The following CLEC5A variants were observed in gnomAD, a reference collection of about 807,000 sequenced individuals.
The protein encoded by CLEC5A is C-type lectin domain containing 5A.
In CLEC5A, 15 loss-of-function variants were observed where a neutral mutation model predicts 24.4. The observed-to-expected ratio is 0.62, with a 90% confidence interval of 0.41 to 0.95. The LOEUF is 0.95. CLEC5A is among the 40% of genes least tolerant of loss of function. CLEC5A has a pLI of 0.00. For missense variants in CLEC5A, 211 were observed against 224.0 expected (o/e 0.94, Z 0.37); for synonymous variants, 71 against 72.6 (o/e 0.98, Z 0.11).
At chr7:141,936,111 G>C in intron 4 of CLEC5A, 161 bp from the exon 5 acceptor site, 2 of 648,778 alleles carry the variant, frequency 3.1e-6, no homozygotes, top group Non-Finnish European at 5.4e-6. Flanking sequence ...GTCTAGTCTG[G>C]TTCCTTGACA....
intron 6 of CLEC5A, among the ~76,000 whole-genome samples, chr7:141,930,821 G>A (rs1258817025): frequency 6.6e-6 from 1 of 152,288 alleles, no homozygotes. Context: ...TCAACTGTCT[G>A]TGAAATGGGG....
chr7:141,930,309 C>T (rs1802419550), intron 6 of CLEC5A, 91 bp from the exon 7 acceptor site: 1 of 954,580 alleles, frequency 1.0e-6, no homozygotes. Context: ...CTTCCTGATT[C>T]CAGAGTGAGA....
In CLEC5A at chr7:141,931,750, C is replaced by A. The variant is rs35942193; in HGVS notation, c.422G>T (p.Arg141Leu). ...LIYHREEKRW[R>L]WINNSVFNGN... ...ATTGAACACAGAGTTGTTGATCCAA[C>A]GCCACCTTTTCTCTTCACGATGGTA... is the stretch of plus-strand genomic sequence containing the variant. Residue 141 changes from arginine to leucine, a missense_variant, in exon 6 of 7, where the codon CGT becomes CTT. Transcript: ENST00000546910. The A allele has an allele frequency of 1.3e-6, 2 of 1,598,250 alleles. No individual in the cohort carries two copies. The highest frequency in any genetic ancestry group is 2.2e-5 in the South Asian group (2 of 90,744).
chr7:141,936,088 G>T, intron 4 of CLEC5A, 138 bp from the exon 5 acceptor site: 1 of 728,630 alleles, frequency 1.4e-6, no homozygotes, highest in Admixed American at 2.6e-5. Flanking sequence ...CATCCAGGAA[G>T]AAATTCCACC....
chr7:141,930,279 C>G, intron 6 of CLEC5A, 61 bp from the exon 7 acceptor site: 1 of 1,304,358 alleles, frequency 7.7e-7, no homozygotes, highest in Non-Finnish European at 1.1e-6. Context: ...TGGTGATGGC[C>G]CATCATTTTA....
Position 141,943,930 on chromosome 7 carries a change from G to A in CLEC5A, c.174C>T (p.Pro58=). 3 of 1,611,616 alleles carry A rather than the reference G, an allele frequency of 1.9e-6. No homozygotes were observed. The highest frequency in any genetic ancestry group is 2.5e-6 in the Non-Finnish European group (3 of 1,178,008). ...AGCTCCTTGTGGTAATGAAGCCGTT[G>A]GGACTTGGGGAACTGCTCCCAAAAA... ...SQIFGSSSPS[P]NGFITTRSYG... The change falls in exon 4 of 7, where the codon CCC becomes CCT. Residue 58 remains proline (P), a synonymous_variant. Coordinates refer to ENST00000546910, the MANE Select transcript of CLEC5A (RefSeq NM_013252.3).
At chr7:141,934,199 A>T (rs1554440766) in intron 5 of CLEC5A, among the ~76,000 whole-genome samples, 1 of 152,228 alleles carries the variant, frequency 6.6e-6, no homozygotes, top group East Asian at 1.9e-4. Context: ...GAGGTATTAT[A>T]ATGTCAGTTC....
chr7:141,934,015 C>T (rs1802544270), intron 5 of CLEC5A, among the ~76,000 whole-genome samples: 1 of 152,166 alleles, frequency 6.6e-6, no homozygotes, highest in South Asian at 2.1e-4. Flanking sequence ...GTATGGCCCC[C>T]TGAGTGTTCT....
chr7:141,937,330 C>T (rs186781061), intron 4 of CLEC5A, among the ~76,000 whole-genome samples: 7 of 152,030 alleles, frequency 4.6e-5, no homozygotes, highest in South Asian at 2.1e-4. Context: ...TGGCAGCATT[C>T]GTGACAAGCT....
chr7:141,933,575 CATATATATATATATATATAT>C lies in CLEC5A; in HGVS notation c.346-1769_346-1750del, dbSNP rs3043785. Among the ~76,000 whole-genome samples, 253 of 115,174 alleles carry C rather than the reference CATATATATATATATATATAT, an allele frequency of 2.2e-3. 2 individuals are homozygous for C. Among genetic ancestry groups the C allele is most frequent in the South Asian group, 6.2e-3 (22 of 3,524 alleles). 75.6% of individuals were successfully genotyped at this position (115,174 alleles called of 152,430 possible). ...TGACTCAGCGAGTTTAGGGAGCAGG[CATATATATATATATATATAT>C]ATATATATATATATATATATACTTG... On this transcript the variant is annotated intron_variant, in intron 5 of 6. Coordinates refer to ENST00000546910, the MANE Select transcript of CLEC5A (RefSeq NM_013252.3).
At chr7:141,933,431 G>C (rs529482109) in intron 5 of CLEC5A, among the ~76,000 whole-genome samples, 2 of 151,902 alleles carry the variant, frequency 1.3e-5, no homozygotes, top group South Asian at 2.1e-4. Context: ...CAGGGAGGTG[G>C]TTTGAGAGAC....
rs1802369199 is a variant in CLEC5A at position 141,928,807 on chromosome 7, T to A, written c.*1297A>T. ...TTATTAGACACAAAATGGTATGTGC[T>A]GTACTTTGGTGACTATTATTTCCAT... On this transcript the variant is annotated 3_prime_UTR_variant, in exon 7 of 7. Transcript: ENST00000546910. The A allele has an allele frequency of 6.6e-6, 1 of 152,238 alleles. No individual in the cohort carries two copies. 9.4% of individuals were successfully genotyped at this position (152,238 alleles called of 1,614,324 possible).
At chr7:141,937,111 G>A (rs1312987042) in intron 4 of CLEC5A, among the ~76,000 whole-genome samples, 1 of 151,862 alleles carries the variant, frequency 6.6e-6, no homozygotes, top group East Asian at 2.0e-4. Flanking sequence ...TTGGGCTTCA[G>A]ATGAAACCCA....
Position 141,945,368 on chromosome 7 carries a change from A to G in CLEC5A, c.112T>C (p.Phe38Leu), listed in dbSNP as rs782022576. The stretch of plus-strand genomic sequence containing the variant: ...GTTCCATAGCTCCTGGTGGTGGTGA[A>G]ACCATCGTTACTTTTGTTAAAAATC... ...PQIFNKSNDG[F>L]TTTRSYGTVS... Residue 38 changes from phenylalanine (F) to leucine (L), a missense_variant, in exon 3 of 7, where the codon TTC becomes CTC. Transcript: ENST00000546910. 6.2e-7 allele frequency: 1 copy of G among 1,613,298 alleles called. No homozygotes were observed. The highest frequency in any genetic ancestry group is 8.5e-7 in the Non-Finnish European group (1 of 1,179,374).
chr7:141,941,254 A>C (rs1480692847), intron 4 of CLEC5A, among the ~76,000 whole-genome samples: 1 of 152,136 alleles, frequency 6.6e-6, no homozygotes, highest in African/African-American at 2.4e-5. Flanking sequence ...TTATCCCAGG[A>C]ATGCAAGGAT....
rs577797546 is a variant in CLEC5A, at chr7:141,934,613, G to GTTTTT, written c.345+1196_345+1200dup. On this transcript the variant is annotated intron_variant, in intron 5 of 6. Transcript: ENST00000546910. Reference sequence around the variant, plus strand: ...GATGACCTTTGTCTTTTTCTTTAACGTTTTTTTTTTTTTTTTTTTTTTTTT... The same window carrying GTTTTT: ...GATGACCTTTGTCTTTTTCTTTAACGTTTTTTTTTTTTTTTTTTTTTTTTTTTTTT... Among the ~76,000 whole-genome samples the GTTTTT allele has an allele frequency of 1.1e-3, 70 of 61,784 alleles. 5 individuals carry two copies. Among genetic ancestry groups the GTTTTT allele is most frequent in the African/African-American group, 4.0e-3 (61 of 15,392 alleles). 40.5% of individuals were successfully genotyped at this position (61,784 alleles called of 152,430 possible). A position where few individuals can be genotyped will look rare whatever the true frequency, so the allele number is the denominator to read the frequency against.
chr7:141,930,219 C>T lies in CLEC5A; in HGVS notation c.453-1G>A. 4 of 1,605,362 alleles carry T rather than the reference C, an allele frequency of 2.5e-6. No homozygotes were observed. Among genetic ancestry groups the T allele is most frequent in the Non-Finnish European group, 3.4e-6 (4 of 1,172,608 alleles). The stretch of plus-strand genomic sequence containing the variant: ...GAAATTCTGATTCTGATTGGTAACA[C>T]TAAATGAGAAAACAAAACAAAACAA... On this transcript the variant is annotated splice_acceptor_variant, in intron 6 of 6. Coordinates refer to ENST00000546910, the MANE Select transcript of CLEC5A (RefSeq NM_013252.3). LOFTEE classifies it high-confidence loss of function.
At chr7:141,935,136 T>G (rs758529578) in intron 5 of CLEC5A, among the ~76,000 whole-genome samples, 12 of 152,186 alleles carry the variant, frequency 7.9e-5, no homozygotes, top group Non-Finnish European at 1.8e-4. Flanking sequence ...CAGGAGGACT[T>G]TCTAGAGGAG....
At chr7:141,942,968 A>G (rs568803361) in intron 4 of CLEC5A, among the ~76,000 whole-genome samples, 78 of 152,200 alleles carry the variant, frequency 5.1e-4, no homozygotes, top group Non-Finnish European at 9.0e-4. Flanking sequence ...ACCCTCATAC[A>G]TTGTTGGTGG....
Sources: gnomAD v4.1 joint callset for allele counts (sites outside exome capture counted in the v4.1 genomes callset) on GRCh38, gnomAD v4.1.1 for gene constraint, MANE v1.5 for transcripts, NCBI Gene and HGNC (gene_info 2026-07-23, HGNC 2026-07-21) for gene names.